CD300LF: variants seen among roughly 807,000 people sequenced by gnomAD.
The protein encoded by CD300LF is CD300 molecule like family member f, also known as CMRF35-like molecule 1.
Under a neutral mutation model 32.2 loss-of-function variants are expected in CD300LF, and 27 were observed. The observed-to-expected ratio is 0.84, with a 90% CI of 0.62 to 1.15. The LOEUF (loss-of-function observed/expected upper bound fraction) is 1.15, where lower values mean the gene tolerates loss of function less well. Ranked by LOEUF, CD300LF falls within the 50% of genes most tolerant of loss-of-function variation. The pLI, the probability that CD300LF is intolerant of heterozygous loss-of-function variation, is 0.00. For missense variants in CD300LF, 348 were observed against 356.8 expected, an observed-to-expected ratio of 0.98 and a Z score of 0.20; for synonymous variants, 139 against 143.2, an observed-to-expected ratio of 0.97 and a Z score of 0.21.
rs144835058 is a variant in CD300LF at position 74,696,696 on chromosome 17, G to A, written c.560-479C>T. ...GCTCTATGTCTGTCTCATCATCTTC[G>A]TCCTACTGAATTCTAGTTAGTCCTC... On this transcript the variant is annotated intron_variant, in intron 4 of 6. Transcript: ENST00000326165. Among the ~76,000 whole-genome samples the A allele has an allele frequency of 9.4e-4, 143 of 152,220 alleles. No individual in the cohort carries two copies. In the East Asian group the frequency reaches 0.018, roughly 19 times the overall value.
Position 74,707,974 on chromosome 17 carries a change from C to T in CD300LF, c.44-3158G>A, listed in dbSNP as rs148354108. Among the ~76,000 whole-genome samples the T allele has an allele frequency of 2.0e-3, 305 of 151,496 alleles. 1 individual carries two copies. The highest frequency in any genetic ancestry group is 6.2e-3 in the African/African-American group (255 of 41,324). ...ACCAGCCTGGCCAACATGGTGAAAC[C>T]CCATCTCTACTAAAAATACAAAAAT... On this transcript the variant is annotated intron_variant, in intron 1 of 6. Coordinates refer to ENST00000326165, the MANE Select transcript of CD300LF (RefSeq NM_139018.5).
intron 3 of CD300LF, among the ~76,000 whole-genome samples, chr17:74,701,959 T>C (rs575846861): frequency 2.0e-4 from 30 of 150,784 alleles, no homozygotes; most frequent in Non-Finnish European, 2.9e-4. Flanking sequence ...GAGGCAGAGG[T>C]TGCAGTGAGC....
intron 4 of CD300LF, 94 bp downstream of exon 4, chr17:74,698,275 T>C: frequency 2.2e-6 from 2 of 900,288 alleles, no homozygotes; most frequent in Middle Eastern, 3.3e-4. Flanking sequence ...ATTTCCTGAT[T>C]GTGTGGGTAA....
rs144818073 is a variant in CD300LF, at chr17:74,705,884, A to G, written c.44-1068T>C. ...TGTTGGGATTACAGGCGGGCCCCAC[A>G]ACGCCTGGCCTGTATTTTCTTAAAA... On this transcript the variant is annotated intron_variant, in intron 1 of 6. Coordinates refer to ENST00000326165, the MANE Select transcript of CD300LF (RefSeq NM_139018.5). Among the ~76,000 whole-genome samples the G allele has an allele frequency of 2.0e-3, 311 of 152,298 alleles. 1 individual carries two copies. Among genetic ancestry groups the G allele is most frequent in the African/African-American group, 6.3e-3 (261 of 41,564 alleles).
At chr17:74,712,114 G>C (rs1039534338) in intron 1 of CD300LF, among the ~76,000 whole-genome samples, 2 of 151,650 alleles carry the variant, frequency 1.3e-5, no homozygotes, top group Admixed American at 1.3e-4. Flanking sequence ...GTTTCCACAT[G>C]TTACCCAAGC....
chr17:74,698,278 G>GT, intron 4 of CD300LF, 91 bp downstream of exon 4: 2 of 918,008 alleles, frequency 2.2e-6, no homozygotes, highest in Non-Finnish European at 3.5e-6. Flanking sequence ...TCCTGATTGT[G>GT]TGGGTAATCC....
rs555530312 is a variant in CD300LF, at chr17:74,703,465, C to A, written c.383-367G>T. ...ATGACAGTGCCTTGGTCAATCTCCA[C>A]CCCCAGCCCTATTTATCCAGCAAAA... On this transcript the variant is annotated intron_variant, in intron 2 of 6. Transcript: ENST00000326165. Among the ~76,000 whole-genome samples, 295 of 152,266 alleles carry A rather than the reference C, an allele frequency of 1.9e-3. 3 individuals carry two copies. The highest frequency in any genetic ancestry group is 4.3e-4 in the Non-Finnish European group (29 of 68,020).
intron 2 of CD300LF, chr17:74,704,270 A>G: frequency 1.7e-6 from 1 of 578,454 alleles, no homozygotes; most frequent in Non-Finnish European, 3.1e-6. Context: ...AGAAAGGCTT[A>G]ATCCCGTCGT....
intron 1 of CD300LF, among the ~76,000 whole-genome samples, chr17:74,706,941 A>G (rs1293259716): frequency 6.6e-6 from 1 of 152,240 alleles, no homozygotes; most frequent in Non-Finnish European, 1.5e-5. Context: ...CCACGTCCAG[A>G]AGAATGAAGC....
chr17:74,697,929 C>T (rs550463751), intron 4 of CD300LF, among the ~76,000 whole-genome samples: 5 of 152,236 alleles, frequency 3.3e-5, no homozygotes, highest in Admixed American at 6.5e-5. Flanking sequence ...CCCATGATCG[C>T]GCATGTGTGT....
At chr17:74,700,168 T>C (rs7215414) in intron 3 of CD300LF, among the ~76,000 whole-genome samples, 5,302 of 76,846 alleles carry the variant, frequency 0.069, 186 homozygotes, top group South Asian at 0.11. Flanking sequence ...AATAAATAAA[T>C]AAACAAACAA....
chr17:74,707,918 C>A (rs1336140377), intron 1 of CD300LF, among the ~76,000 whole-genome samples: 4 of 151,776 alleles, frequency 2.6e-5, no homozygotes, highest in African/African-American at 9.7e-5. Flanking sequence ...GAGGCCGAGG[C>A]AGGTGGATCA....
chr17:74,709,416 CAGCA>C (rs1018309442), intron 1 of CD300LF, among the ~76,000 whole-genome samples: 4 of 152,160 alleles, frequency 2.6e-5, no homozygotes, highest in Admixed American at 2.6e-4. Context: ...TCAAAAACCT[CAGCA>C]AGCACCACAC....
In CD300LF at chr17:74,712,903, G is replaced by A; in HGVS notation, c.-37C>T. 6.2e-7 allele frequency: 1 copy of A among 1,610,182 alleles called. No homozygotes were observed. The highest frequency in any genetic ancestry group is 8.5e-7 in the Non-Finnish European group (1 of 1,177,082). ...ACAGGTCCCCGTTCCCCTCAGTGGA[G>A]CCTGGCAGCAGGAACAAACTACAGA... On this transcript the variant is annotated 5_prime_UTR_variant, in exon 1 of 7. Transcript: ENST00000326165.
chr17:74,705,377 GC>G, intron 1 of CD300LF: 1 of 641,244 alleles, frequency 1.6e-6, no homozygotes, highest in Non-Finnish European at 2.9e-6. Context: ...GTCTCCATGT[GC>G]TATAGGATCC....
chr17:74,700,980 C>A (rs1183564787), intron 3 of CD300LF, among the ~76,000 whole-genome samples: 1 of 152,120 alleles, frequency 6.6e-6, no homozygotes, highest in African/African-American at 2.4e-5. Flanking sequence ...CAGACACACG[C>A]AGAGGGACGA....
chr17:74,702,500 C>T (rs2033146330), intron 3 of CD300LF, among the ~76,000 whole-genome samples: 1 of 152,140 alleles, frequency 6.6e-6, no homozygotes, highest in African/African-American at 2.4e-5. Context: ...CTGTCAGTTG[C>T]TCTAGAGATG....
chr17:74,694,341 TCTC>T lies in CD300LF; in HGVS notation c.*752_*754del, dbSNP rs1205978084. ...CTCATTAAAAACAACACAAATTTATTCTCCTGCAATTCTGGAGGCCAGGAGCTC... is the reference window on the plus strand; with the variant it reads ...CTCATTAAAAACAACACAAATTTATTCTGCAATTCTGGAGGCCAGGAGCTC... On this transcript the variant is annotated 3_prime_UTR_variant, in exon 7 of 7. Transcript: ENST00000326165. 8.5e-5 allele frequency: 13 copies of T among 152,152 alleles called. No individual in the cohort carries two copies. The highest frequency in any genetic ancestry group is 1.6e-4 in the Non-Finnish European group (11 of 68,022). 9.4% of individuals were successfully genotyped at this position (152,152 alleles called of 1,614,324 possible). A position where few individuals can be genotyped will look rare whatever the true frequency, so the allele number is the denominator to read the frequency against.
chr17:74,712,713 C>T, intron 1 of CD300LF, 111 bp downstream of exon 1: 1 of 1,112,542 alleles, frequency 9.0e-7, no homozygotes, highest in Non-Finnish European at 1.3e-6. Context: ...ATGAAACGCA[C>T]AAGGCTCATG....
Sources: gnomAD v4.1 joint callset for allele counts (sites outside exome capture counted in the v4.1 genomes callset) on GRCh38, gnomAD v4.1.1 for gene constraint, MANE v1.5 for transcripts, NCBI Gene and HGNC (gene_info 2026-07-23, HGNC 2026-07-21) for gene names.